Variants in CDK5RAP2 observed in about 807,000 individuals in gnomAD.
CDK5RAP2 encodes CDK5 regulatory subunit-associated protein 2.
A neutral mutation model predicts 232.9 loss-of-function variants in CDK5RAP2; 147 were observed. The observed-to-expected ratio is 0.63, with a 90% CI of 0.55 to 0.72. The LOEUF (loss-of-function observed/expected upper bound fraction) is 0.72. Among genes scored for constraint, CDK5RAP2 ranks in the 30% least tolerant of loss-of-function variants. The pLI, the probability that CDK5RAP2 is intolerant of heterozygous loss-of-function variation, is 0.00. For synonymous variants in CDK5RAP2, 833 were observed against 833.7 expected, an observed-to-expected ratio of 1.00 and a Z score of 0.01; for missense variants, 2,195 against 2,231.5, an observed-to-expected ratio of 0.98 and a Z score of 0.33.
intron 25 of CDK5RAP2, among the ~76,000 whole-genome samples, chr9:120,429,334 T>C (rs10984911): frequency 0.03 from 4,628 of 151,930 alleles, 241 homozygotes; most frequent in African/African-American, 0.1. Flanking sequence ...TGTTTGCAGA[T>C]GACATGATTG....
chr9:120,470,634 A>G (rs894143109), intron 16 of CDK5RAP2, among the ~76,000 whole-genome samples: 11 of 151,850 alleles, frequency 7.2e-5, no homozygotes, highest in Non-Finnish European at 4.4e-5. Flanking sequence ...GGGAGATAAA[A>G]GTGTCTGATC....
chr9:120,408,580 A>C, intron 30 of CDK5RAP2, 112 bp from the exon 31 acceptor site: 5 of 1,135,460 alleles, frequency 4.4e-6, no homozygotes, highest in Non-Finnish European at 5.2e-6. Flanking sequence ...GTGTGGACCA[A>C]GAAGTGACAA....
Position 120,404,043 on chromosome 9 carries a change from T to G in CDK5RAP2, c.5034A>C (p.Pro1678=). Residue 1678 remains proline, a synonymous_variant, in exon 33 of 38, where the codon CCA becomes CCC. Transcript: ENST00000349780. ...DLFDSSQAVT[P]KSVSETPPLS... ...TGGACTTCAGCTTTGTACCTGATTT[T>G]GGTGTCACTGCCTGGGAGGAATCAA... 6.2e-7 allele frequency: 1 copy of G among 1,608,792 alleles called. No homozygotes were observed. The highest frequency in any genetic ancestry group is 1.1e-5 in the South Asian group (1 of 90,964).
At chr9:120,397,398 A>AT (rs879705923) in intron 35 of CDK5RAP2, among the ~76,000 whole-genome samples, 1,970 of 146,956 alleles carry the variant, frequency 0.013, 20 homozygotes, top group Non-Finnish European at 0.019. Context: ...TCTCTAGAAG[A>AT]TTTTTTTTTT....
At position 120,471,811 on chromosome 9, in the gene CDK5RAP2, G is replaced by C; in HGVS notation, c.1795C>G (p.Leu599Val). 3 of 1,613,350 alleles carry C rather than the reference G, an allele frequency of 1.9e-6. No individual in the cohort carries two copies. Among genetic ancestry groups the C allele is most frequent in the Non-Finnish European group, 2.5e-6 (3 of 1,179,294 alleles). ...GTCTTCCGCAAATTCTGATATGAAA[G>C]CACATCCTGCTCCAGTTGCTTCCGC... ...ALRKQLEQDVLSYQNLRKTLE... is the reference protein window; with the variant it reads ...ALRKQLEQDVVSYQNLRKTLE... The change falls in exon 16 of 38, where the codon CTT becomes GTT. Residue 599 changes from leucine to valine, a missense_variant. Transcript: ENST00000349780.
intron 14 of CDK5RAP2, among the ~76,000 whole-genome samples, chr9:120,483,944 G>C (rs2038458422): frequency 6.6e-6 from 1 of 152,198 alleles, no homozygotes; most frequent in South Asian, 2.1e-4. Context: ...CTATGTCACA[G>C]CCCTGCAACA....
chr9:120,522,266 A>G (rs1387545287), intron 11 of CDK5RAP2, among the ~76,000 whole-genome samples: 1 of 152,230 alleles, frequency 6.6e-6, no homozygotes. Context: ...CAATTATGCA[A>G]GATGTTACCT....
chr9:120,486,409 T>TA (rs34029371), intron 14 of CDK5RAP2, among the ~76,000 whole-genome samples: 5,747 of 132,774 alleles, frequency 0.043, 265 homozygotes, highest in African/African-American at 0.13. Flanking sequence ...GTTTTTCTTT[T>TA]AAAAAAAAAA....
At position 120,515,704 on chromosome 9, in the gene CDK5RAP2, C is replaced by T. The variant is rs552939814; in HGVS notation, c.1311+2723G>A. ...GGTGCCAACCCCATCAAAAAGTGGG[C>T]GAAGGATATGAACAGACACTTCTCA... On this transcript the variant is annotated intron_variant, in intron 12 of 37. Transcript: ENST00000349780. Among the ~76,000 whole-genome samples, 8 of 152,114 alleles carry T rather than the reference C, an allele frequency of 5.3e-5. No individual in the cohort carries two copies. The East Asian group carries it at 9.6e-4, about 18-fold the overall frequency.
intron 17 of CDK5RAP2, 106 bp from the exon 18 acceptor site, chr9:120,468,103 T>C: frequency 1.8e-6 from 2 of 1,095,284 alleles, no homozygotes; most frequent in Non-Finnish European, 2.8e-6. Context: ...GGCACCACAG[T>C]TACGGGGAAT....
chr9:120,488,050 G>A (rs571498782), intron 13 of CDK5RAP2, among the ~76,000 whole-genome samples: 2 of 152,174 alleles, frequency 1.3e-5, no homozygotes, highest in East Asian at 3.9e-4. Flanking sequence ...TCAGAAGATC[G>A]AACATTCAAC....
intron 25 of CDK5RAP2, among the ~76,000 whole-genome samples, chr9:120,434,321 T>C (rs2035449805): frequency 6.6e-6 from 1 of 151,166 alleles, no homozygotes; most frequent in Non-Finnish European, 1.5e-5. Flanking sequence ...GGTCAGTAGC[T>C]GGGGAGGGGA....
chr9:120,443,785 A>G, intron 22 of CDK5RAP2, 43 bp from the exon 23 acceptor site: 1 of 1,612,186 alleles, frequency 6.2e-7, no homozygotes, highest in East Asian at 2.2e-5. Flanking sequence ...ATAAAACCGT[A>G]AGACCTGAAA....
intron 37 of CDK5RAP2, 122 bp downstream of exon 37, chr9:120,389,619 C>A: frequency 1.1e-6 from 1 of 935,898 alleles, no homozygotes; most frequent in Non-Finnish European, 1.7e-6. Context: ...GCAGAAACAA[C>A]TCTCTGAGGA....
chr9:120,514,597 C>T (rs1180358632), intron 12 of CDK5RAP2, among the ~76,000 whole-genome samples: 1 of 152,314 alleles, frequency 6.6e-6, no homozygotes, highest in East Asian at 1.9e-4. Context: ...AAAAAGAAGC[C>T]AGCTCTCAGA....
chr9:120,483,398 T>G (rs1410043952), intron 14 of CDK5RAP2, among the ~76,000 whole-genome samples: 2 of 152,228 alleles, frequency 1.3e-5, no homozygotes, highest in African/African-American at 4.8e-5. Flanking sequence ...TCTGGGTCTG[T>G]GTCATGTCAA....
chr9:120,472,393 G>A (rs1014325835), intron 15 of CDK5RAP2, among the ~76,000 whole-genome samples: 3 of 152,274 alleles, frequency 2.0e-5, no homozygotes, highest in African/African-American at 7.2e-5. Flanking sequence ...CCCCAAGAGG[G>A]CTTGGGTATA....
chr9:120,521,404 CAT>C lies in CDK5RAP2; in HGVS notation c.1093-2761_1093-2760del, dbSNP rs747592176. Among the ~76,000 whole-genome samples, 12 of 152,284 alleles carry C rather than the reference CAT, an allele frequency of 7.9e-5. No individual in the cohort carries two copies. The South Asian group carries it at 8.3e-4, about 11-fold the overall frequency. ...TGAATTGTAGCTCCCAAAATCCCCA[CAT>C]GTCATGGGAGGGACCGGGTGGGAGG... On this transcript the variant is annotated intron_variant, in intron 11 of 37. Transcript: ENST00000349780.
At chr9:120,524,909 T>C in intron 11 of CDK5RAP2, 77 bp downstream of exon 11, 1 of 1,010,798 alleles carries the variant, frequency 9.9e-7, no homozygotes, top group Non-Finnish European at 1.6e-6. Flanking sequence ...TCACCCAAGT[T>C]CTTTCAGCTG....
Sources: allele counts gnomAD v4.1 joint callset (sites outside exome capture counted in the v4.1 genomes callset), GRCh38; gene constraint gnomAD v4.1.1; transcripts MANE v1.5; gene names NCBI Gene and HGNC (gene_info 2026-07-23, HGNC 2026-07-21).